The following STAB2 variants were observed in gnomAD, a reference collection of about 807,000 sequenced individuals.
STAB2 encodes stabilin-2.
In STAB2, 288 loss-of-function variants were observed where a neutral mutation model predicts 338.1. The ratio of observed to expected loss-of-function variants is 0.85; its 90% CI spans 0.77 to 0.94. The LOEUF is 0.94. Ranked by LOEUF, STAB2 falls within the 40% of genes least tolerant of loss-of-function variation. STAB2 has a pLI of 0.00. For missense variants in STAB2, 3,141 were observed against 3,210.1 expected (o/e 0.98, Z 0.52); for synonymous variants, 1,202 against 1,193.3 (o/e 1.01, Z -0.15).
intron 35 of STAB2, 78 bp from the exon 36 acceptor site, chr12:103,704,479 CT>C (rs1258898808): frequency 1.4e-6 from 2 of 1,444,362 alleles, no homozygotes; most frequent in Non-Finnish European, 9.5e-7. Flanking sequence ...ATTCAAAAAC[CT>C]TCATTTCCAA....
In STAB2 at chr12:103,763,822, GAACA is replaced by G. The variant is rs1427416800; in HGVS notation, c.7605+219_7605+222del. The G allele has an allele frequency of 2.1e-5, 10 of 465,410 alleles. 1 individual carries two copies. The highest frequency in any genetic ancestry group is 7.5e-5 in the Admixed American group (2 of 26,540). The allele number at this position is 465,410 out of a possible 1,614,324, so 28.8% of individuals were successfully genotyped here. On this transcript the variant is annotated intron_variant, in intron 68 of 68. Coordinates refer to ENST00000388887, the MANE Select transcript of STAB2 (RefSeq NM_017564.10). ...CTCTTGGGTAGACAGCAGAATCCTT[GAACA>G]AACAGAGACAGGCGAGAACAAGAGG...
chr12:103,719,324 T>C (rs560952563), intron 44 of STAB2, among the ~76,000 whole-genome samples: 6 of 152,310 alleles, frequency 3.9e-5, no homozygotes, highest in Non-Finnish European at 7.3e-5. Flanking sequence ...CCATATGAGG[T>C]AAGAACTGTT....
intron 47 of STAB2, among the ~76,000 whole-genome samples, chr12:103,728,268 C>T (rs1028950882): frequency 5.9e-5 from 9 of 152,140 alleles, no homozygotes; most frequent in Admixed American, 3.9e-4. Flanking sequence ...TCTCATGCCT[C>T]AGCCTCCGGA....
Position 103,705,697 on chromosome 12 carries a change from G to A in STAB2, c.3966G>A (p.Gly1322=), listed in dbSNP as rs1879286483. The change falls in exon 37 of 69, where the codon GGG becomes GGA. Residue 1322 remains glycine (G), a synonymous_variant. Transcript: ENST00000388887. The stretch of plus-strand genomic sequence containing the variant: ...TGGGAAGACGAACCCTGTTTATTGG[G>A]TGCCAGCCAAAATGTGTGAGAACCG... ...YFMGRRTLFI[G]CQPKCVRTVI... is the part of the protein sequence containing the mutation. 1 of 1,614,130 alleles carries A rather than the reference G, an allele frequency of 6.2e-7. No homozygotes were observed. The highest frequency in any genetic ancestry group is 8.5e-7 in the Non-Finnish European group (1 of 1,180,022).
chr12:103,733,188 T>A lies in STAB2; in HGVS notation c.5460+6T>A, dbSNP rs1246378878. 7.4e-6 allele frequency: 12 copies of A among 1,613,512 alleles called. No homozygotes were observed. Among genetic ancestry groups the A allele is most frequent in the Non-Finnish European group, 1.0e-5 (12 of 1,179,762 alleles). On this transcript the variant is annotated splice_donor_region_variant and intron_variant, in intron 51 of 68. Transcript: ENST00000388887. ...ATGTGATACGAGATGCCAAGGTATT[T>A]AGTTTACATGCAGACATAAGTGCAA...
intron 58 of STAB2, among the ~76,000 whole-genome samples, chr12:103,747,369 C>T (rs1470421449): frequency 6.6e-6 from 1 of 152,116 alleles, no homozygotes; most frequent in East Asian, 1.9e-4. Flanking sequence ...TGGAAGTATT[C>T]AGGGCTAATA....
intron 50 of STAB2, among the ~76,000 whole-genome samples, chr12:103,732,485 T>C (rs1332264356): frequency 6.6e-6 from 1 of 152,138 alleles, no homozygotes; most frequent in African/African-American, 2.4e-5. Context: ...ACTCCAGAAT[T>C]TGACTTTCTG....
At chr12:103,649,687 T>C (rs946204133) in intron 10 of STAB2, among the ~76,000 whole-genome samples, 2 of 152,182 alleles carry the variant, frequency 1.3e-5, no homozygotes, top group Non-Finnish European at 2.9e-5. Flanking sequence ...ATTTAATGTC[T>C]CCTGCATAAA....
At chr12:103,684,929 T>C (rs1877258181) in intron 26 of STAB2, 60 bp from the exon 27 acceptor site, 2 of 1,541,062 alleles carry the variant, frequency 1.3e-6, no homozygotes, top group Non-Finnish European at 1.8e-6. Context: ...GTCTCATAGA[T>C]GTAACTCAGG....
chr12:103,708,379 G>A (rs1332764006), intron 38 of STAB2, 62 bp from the exon 39 acceptor site: 7 of 1,535,978 alleles, frequency 4.6e-6, no homozygotes, highest in Non-Finnish European at 5.4e-6. Context: ...CCTAGTAAAT[G>A]ACAAATGAGT....
intron 16 of STAB2, 45 bp from the exon 17 acceptor site, chr12:103,660,638 G>C (rs200938200): frequency 1.6e-5 from 26 of 1,589,530 alleles, no homozygotes; most frequent in African/African-American, 2.7e-5. Flanking sequence ...AGGGCCCTGC[G>C]TGTGGTCCCA....
intron 10 of STAB2, among the ~76,000 whole-genome samples, chr12:103,649,448 T>C (rs567847963): frequency 4.3e-4 from 65 of 152,278 alleles, no homozygotes; most frequent in African/African-American, 1.5e-3. Context: ...AATGAAATAT[T>C]ATAACTGATC....
At chr12:103,654,423 A>T in intron 12 of STAB2, 132 bp from the exon 13 acceptor site, 1 of 975,798 alleles carries the variant, frequency 1.0e-6, no homozygotes, top group Non-Finnish European at 1.5e-6. Flanking sequence ...ACTTTAGATT[A>T]AGTGACTTAT....
intron 3 of STAB2, among the ~76,000 whole-genome samples, chr12:103,603,753 A>G (rs1286776309): frequency 6.6e-6 from 1 of 152,236 alleles, no homozygotes; most frequent in East Asian, 1.9e-4. Flanking sequence ...CAACAAAATA[A>G]GTCCTCCTAA....
rs977994139 is a variant in STAB2 at position 103,668,469 on chromosome 12, A to C, written c.2086-174A>C. On this transcript the variant is annotated intron_variant, in intron 19 of 68. Coordinates refer to ENST00000388887, the MANE Select transcript of STAB2 (RefSeq NM_017564.10). ...TTCCACCAACAAGGGAACAGGCCTAAAAAAGGGTGTCCAAGCTCTGATGTA... is the reference window on the plus strand; with the variant it reads ...TTCCACCAACAAGGGAACAGGCCTACAAAAGGGTGTCCAAGCTCTGATGTA... 8.3e-6 allele frequency: 5 copies of C among 604,910 alleles called. No homozygotes were observed. The East Asian group carries it at 1.2e-4, about 14-fold the overall frequency. 37.5% of individuals were successfully genotyped at this position (604,910 alleles called of 1,614,324 possible). A position where few individuals can be genotyped will look rare whatever the true frequency, so the allele number is the denominator to read the frequency against.
At chr12:103,747,325 A>T (rs750746691) in intron 58 of STAB2, among the ~76,000 whole-genome samples, 1 of 152,168 alleles carries the variant, frequency 6.6e-6, no homozygotes, top group Non-Finnish European at 1.5e-5. Flanking sequence ...GGCATAAATA[A>T]GGCAGATGTT....
intron 18 of STAB2, among the ~76,000 whole-genome samples, chr12:103,665,499 A>G (rs1431228061): frequency 6.6e-6 from 1 of 152,166 alleles, no homozygotes; most frequent in East Asian, 1.9e-4. Flanking sequence ...ACTAGGGACC[A>G]AAGAGCCCAG....
chr12:103,711,300 G>T, intron 39 of STAB2, 171 bp from the exon 40 acceptor site: 1 of 814,766 alleles, frequency 1.2e-6, no homozygotes. Context: ...ATTTGGCTTT[G>T]AGCTTCATGG....
intron 3 of STAB2, among the ~76,000 whole-genome samples, chr12:103,613,020 A>T (rs956493652): frequency 6.6e-6 from 1 of 152,170 alleles, no homozygotes; most frequent in African/African-American, 2.4e-5. Flanking sequence ...TGAACAGCAA[A>T]TGTTGCTGCC....
Sources: allele counts gnomAD v4.1 joint callset (sites outside exome capture counted in the v4.1 genomes callset), GRCh38; gene constraint gnomAD v4.1.1; transcripts MANE v1.5; gene names NCBI Gene and HGNC (gene_info 2026-07-23, HGNC 2026-07-21).